Variants in PCDH11X observed in about 807,000 individuals in gnomAD.
PCDH11X encodes protocadherin-11 X-linked.
A neutral mutation model predicts 53.3 loss-of-function variants in PCDH11X; 18 were observed. The observed-to-expected ratio is 0.34, with a 90% CI of 0.23 to 0.50. The LOEUF (loss-of-function observed/expected upper bound fraction) is 0.50. PCDH11X is among the 20% of genes least tolerant of loss of function. The probability of loss-of-function intolerance (pLI) is 0.98; values close to 1 mark genes in which losing one functional copy is unlikely to be tolerated. For synonymous variants in PCDH11X, 279 were observed against 393.3 expected (o/e 0.71, Z 3.44); for missense variants, 570 against 1,032.4 (o/e 0.55, Z 6.14).
In PCDH11X at chrX:92,011,407, AG is replaced by A. The variant is rs1367350575; in HGVS notation, c.3033+132135del. ...TGATATTTTTTGACTTTTTAATAAT[AG>A]CCATTCCAAAAAGTCACTATTTTTA... On this transcript the variant is annotated intron_variant, in intron 6 of 10. Coordinates refer to ENST00000682573, the MANE Select transcript of PCDH11X (RefSeq NM_032968.5). Among the ~76,000 whole-genome samples, 4 of 112,154 alleles carry A rather than the reference AG, an allele frequency of 3.6e-5. No individual in the cohort carries two copies. In the East Asian group the frequency reaches 1.1e-3, roughly 31 times the overall value.
At chrX:91,866,029 A>T (rs913218453) in intron 5 of PCDH11X, among the ~76,000 whole-genome samples, 14 of 109,553 alleles carry the variant, frequency 1.3e-4, no homozygotes, top group Non-Finnish European at 7.6e-5. Flanking sequence ...CCAGCTGTCT[A>T]GAAATGTCAT....
intron 10 of PCDH11X, among the ~76,000 whole-genome samples, chrX:92,500,959 T>C (rs1433439992): frequency 9.1e-6 from 1 of 109,786 alleles, no homozygotes; most frequent in Non-Finnish European, 1.9e-5. Context: ...AAAAAAATAA[T>C]AAAGTAGATA....
At chrX:92,531,088 G>A (rs2074545790) in intron 10 of PCDH11X, among the ~76,000 whole-genome samples, 2 of 111,160 alleles carry the variant, frequency 1.8e-5, no homozygotes, top group Admixed American at 1.9e-4. Context: ...AACTTAGTAG[G>A]AATGAAGCAT....
At chrX:92,472,950 T>G (rs1288676093) in intron 10 of PCDH11X, among the ~76,000 whole-genome samples, 1 of 109,619 alleles carries the variant, frequency 9.1e-6, no homozygotes, top group Non-Finnish European at 1.9e-5. Context: ...ATGCCAGCAC[T>G]TTTTGCACAT....
chrX:92,614,454 A>G (rs1255807377), intron 10 of PCDH11X, among the ~76,000 whole-genome samples: 1 of 105,937 alleles, frequency 9.4e-6, no homozygotes, highest in Non-Finnish European at 1.9e-5. Context: ...CAGGTTTTAT[A>G]TTGATGTGTG....
intron 6 of PCDH11X, among the ~76,000 whole-genome samples, chrX:92,191,753 T>C (rs2066196922): frequency 8.9e-6 from 1 of 112,224 alleles, no homozygotes; most frequent in South Asian, 3.7e-4. Context: ...TGTATCTCCA[T>C]AGAATACTTT....
At chrX:92,530,720 T>C (rs1332506418) in intron 10 of PCDH11X, among the ~76,000 whole-genome samples, 2 of 112,383 alleles carry the variant, frequency 1.8e-5, no homozygotes, top group Admixed American at 9.4e-5. Flanking sequence ...AAGTTTTTTT[T>C]CATCTCTTCT....
chrX:91,886,862 T>A (rs988756293), intron 6 of PCDH11X, among the ~76,000 whole-genome samples: 1 of 105,314 alleles, frequency 9.5e-6, no homozygotes, highest in Non-Finnish European at 1.9e-5. Flanking sequence ...TCCCAGCTAC[T>A]CGGGAGGCTG....
At chrX:91,871,990 A>T (rs1939342173) in intron 5 of PCDH11X, among the ~76,000 whole-genome samples, 1 of 111,260 alleles carries the variant, frequency 9.0e-6, no homozygotes, top group African/African-American at 3.2e-5. Flanking sequence ...ATGCCATTTC[A>T]GATATCAGAA....
intron 9 of PCDH11X, among the ~76,000 whole-genome samples, chrX:92,431,631 A>T (rs1339126467): frequency 9.1e-6 from 1 of 110,112 alleles, no homozygotes; most frequent in Non-Finnish European, 1.9e-5. Flanking sequence ...AAACCTCAGT[A>T]ATCTTAATCA....
chrX:92,096,415 G>T (rs1240426283), intron 6 of PCDH11X, among the ~76,000 whole-genome samples: 1 of 101,291 alleles, frequency 9.9e-6, no homozygotes, highest in Non-Finnish European at 2.0e-5. Flanking sequence ...ATAGTTTAGG[G>T]GCCCTAAGTG....
chrX:92,422,819 AT>A (rs887807250), intron 9 of PCDH11X, among the ~76,000 whole-genome samples: 10 of 108,605 alleles, frequency 9.2e-5, no homozygotes, highest in East Asian at 2.9e-4. Flanking sequence ...GCCAACGTCT[AT>A]TTTTTTTATT....
intron 6 of PCDH11X, among the ~76,000 whole-genome samples, chrX:91,975,712 G>A (rs1460006473): frequency 1.8e-5 from 2 of 111,023 alleles, no homozygotes. Context: ...AAGCTATCAA[G>A]CAGGGGGAAA....
At chrX:92,042,989 A>G (rs34644673) in intron 6 of PCDH11X, among the ~76,000 whole-genome samples, 3 of 109,979 alleles carry the variant, frequency 2.7e-5, no homozygotes, top group Non-Finnish European at 5.7e-5. Flanking sequence ...TTATTATACC[A>G]TTGTAGGTAA....
At chrX:92,329,341 G>A (rs1484557212) in intron 8 of PCDH11X, among the ~76,000 whole-genome samples, 3 of 111,186 alleles carry the variant, frequency 2.7e-5, no homozygotes, top group Admixed American at 1.9e-4. Flanking sequence ...TACATGATAA[G>A]ACTGAATGCT....
At position 92,306,671 on chromosome X, in the gene PCDH11X, G is replaced by A. The variant is rs769358373; in HGVS notation, c.3144+43528G>A. 1.6e-4 allele frequency among the ~76,000 whole-genome samples: 18 copies of A among 109,526 alleles called. No individual in the cohort carries two copies. The East Asian group carries it at 4.6e-3, about 28-fold the overall frequency. On this transcript the variant is annotated intron_variant, in intron 8 of 10. Transcript: ENST00000682573. ...AAAAAACAACTCTTGACCAGGCGCC[G>A]TGGTTCACACCTGTAATCCCAGCAC...
intron 6 of PCDH11X, among the ~76,000 whole-genome samples, chrX:92,120,509 G>A (rs745987255): frequency 8.9e-6 from 1 of 112,918 alleles, no homozygotes; most frequent in African/African-American, 3.2e-5. Flanking sequence ...GATAAGTATG[G>A]TGAAAATGCA....
At chrX:92,381,282 T>C (rs35860784) in intron 8 of PCDH11X, among the ~76,000 whole-genome samples, 47,740 of 108,302 alleles carry the variant, frequency 0.44, 8,331 homozygotes, top group Non-Finnish European at 0.49. Context: ...CTATTCATCT[T>C]ATATTAATTT....
In PCDH11X at chrX:92,480,418, A is replaced by G. The variant is rs374029797; in HGVS notation, c.3367+12096A>G. 5.4e-5 allele frequency among the ~76,000 whole-genome samples: 6 copies of G among 111,169 alleles called. No homozygotes were observed. The East Asian group carries it at 1.7e-3, about 32-fold the overall frequency. On this transcript the variant is annotated intron_variant, in intron 10 of 10. Transcript: ENST00000682573. ...GCTGGTGTGGTCATTTGGAGGAAAG[A>G]AGACACTGTGGCTTTTAGAGTTGTC...
Sources: gnomAD v4.1 joint callset for allele counts (sites outside exome capture counted in the v4.1 genomes callset) on GRCh38, gnomAD v4.1.1 for gene constraint, MANE v1.5 for transcripts, NCBI Gene and HGNC (gene_info 2026-07-23, HGNC 2026-07-21) for gene names.